Variants in XAF1 observed in about 807,000 individuals in gnomAD.
XAF1 encodes XIAP-associated factor 1.
A neutral mutation model predicts 32.3 loss-of-function variants in XAF1; 32 were observed. That is an observed-to-expected ratio of 0.99 (90% CI 0.75 to 1.33). The LOEUF (loss-of-function observed/expected upper bound fraction) is 1.33, where lower values mean the gene tolerates loss of function less well. XAF1 is among the 40% of genes most tolerant of loss of function. The probability of loss-of-function intolerance (pLI) is 0.00; values close to 1 mark genes in which losing one functional copy is unlikely to be tolerated. For missense variants in XAF1, 379 were observed against 366.0 expected (o/e 1.04, Z -0.29); for synonymous variants, 120 against 125.9 (o/e 0.95, Z 0.31).
rs1021143695 is a variant in XAF1, at chr17:6,775,114, T to A, written c.*1945T>A. The A allele has an allele frequency of 3.3e-5, 5 of 151,744 alleles. No individual in the cohort carries two copies. Among genetic ancestry groups the A allele is most frequent in the Non-Finnish European group, 5.9e-5 (4 of 68,010 alleles). 9.4% of individuals were successfully genotyped at this position (151,744 alleles called of 1,614,324 possible). ...GCAGCCATAAAAAAGAATGGGATCA[T>A]GTCCTGTGCAGCAACGTGGATGGAG... On this transcript the variant is annotated 3_prime_UTR_variant, in exon 7 of 7. Transcript: ENST00000361842.
chr17:6,759,568 G>A (rs1030726308), intron 2 of XAF1, 94 bp from the exon 3 acceptor site: 41 of 1,588,992 alleles, frequency 2.6e-5, no homozygotes, highest in Middle Eastern at 2.3e-4. Context: ...ACCCAAACCC[G>A]GAACACTGTG....
chr17:6,767,314 G>A (rs563685674), intron 5 of XAF1, among the ~76,000 whole-genome samples: 1 of 152,040 alleles, frequency 6.6e-6, no homozygotes, highest in African/African-American at 2.4e-5. Flanking sequence ...TTCTAAACAA[G>A]GTGAATAAAA....
chr17:6,771,734 TA>T (rs1332626566), intron 6 of XAF1: 1 of 152,202 alleles, frequency 6.6e-6, no homozygotes, highest in Non-Finnish European at 1.5e-5. Flanking sequence ...ATGCCTTACT[TA>T]AAAAATTTAT....
intron 6 of XAF1, among the ~76,000 whole-genome samples, chr17:6,772,323 T>C (rs1275845796): frequency 6.6e-6 from 1 of 152,180 alleles, no homozygotes; most frequent in East Asian, 1.9e-4. Context: ...CAATGATTGT[T>C]TTGCTAAAAT....
intron 5 of XAF1, among the ~76,000 whole-genome samples, chr17:6,765,344 C>T (rs1052021988): frequency 2.0e-5 from 3 of 152,098 alleles, no homozygotes; most frequent in African/African-American, 7.2e-5. Context: ...ACCCAGGAGG[C>T]GGAGCTTGCA....
At chr17:6,764,426 C>A (rs1034650066) in intron 5 of XAF1, among the ~76,000 whole-genome samples, 1 of 152,148 alleles carries the variant, frequency 6.6e-6, no homozygotes, top group Non-Finnish European at 1.5e-5. Context: ...CTCTGTCCTG[C>A]AACAGAGAGA....
chr17:6,756,301 C>G (rs1597706511), intron 1 of XAF1, 191 bp downstream of exon 1: 2 of 1,398,108 alleles, frequency 1.4e-6, no homozygotes, highest in East Asian at 5.3e-5. Flanking sequence ...GGGTGGGCAG[C>G]ATTACCTCCA....
Position 6,756,089 on chromosome 17 carries a change from A to C in XAF1, c.11A>C (p.Asp4Ala), listed in dbSNP as rs777880139. ...TGCAGAGAGCAGAACATGGAAGGAG[A>C]CTTCTCGGTGTGCAGGAACTGGTAA... MEG[D>A]FSVCRNCKRH... The change falls in exon 1 of 7, where the codon GAC becomes GCC. Residue 4 changes from aspartate to alanine, a missense_variant. By Grantham distance (126) the Asp-to-Ala change is moderately radical (BLOSUM62 -2). Transcript: ENST00000361842. 4 of 1,613,216 alleles carry C rather than the reference A, an allele frequency of 2.5e-6. No homozygotes were observed. In the African/African-American group the frequency reaches 5.4e-5, roughly 22 times the overall value.
At chr17:6,759,323 TA>T in intron 2 of XAF1, 1 of 1,285,522 alleles carries the variant, frequency 7.8e-7, no homozygotes, top group Non-Finnish European at 9.8e-7. Flanking sequence ...TTGAGATCTG[TA>T]AAGAGAGGAT....
chr17:6,770,758 AAG>A lies in XAF1; in HGVS notation c.625_626del (p.Asp209CysfsTer16). The A allele has an allele frequency of 6.2e-7, 1 of 1,614,052 alleles. No homozygotes were observed. On this transcript the variant is annotated frameshift_variant, in exon 6 of 7. Coordinates refer to ENST00000361842, the MANE Select transcript of XAF1 (RefSeq NM_017523.5). LOFTEE classifies it high-confidence loss of function. ...GAAAATCAAACTTCCACGATGGAGA[AAG>A]ATGTTCGTCCAAAGACAAGAAGTAT...
At chr17:6,756,827 T>C (rs571484226) in intron 1 of XAF1, among the ~76,000 whole-genome samples, 1 of 152,232 alleles carries the variant, frequency 6.6e-6, no homozygotes, top group South Asian at 2.1e-4. Flanking sequence ...GGAGTGAGGC[T>C]TTGACAGTCC....
chr17:6,756,383 T>TTGGGACCACTGGCC, intron 1 of XAF1: 2 of 930,130 alleles, frequency 2.2e-6, no homozygotes, highest in Non-Finnish European at 3.0e-6. Flanking sequence ...GCCCGGCCAG[T>TTGGGACCACTGGCC]GGTCCCAACT....
At chr17:6,760,735 C>A (rs1975129375) in intron 4 of XAF1, 134 bp downstream of exon 4, 3 of 958,964 alleles carry the variant, frequency 3.1e-6, no homozygotes, top group Non-Finnish European at 4.6e-6. Context: ...ATTCATCTGG[C>A]TATTCTAATT....
upstream of XAF1, chr17:6,755,795 C>T: frequency 7.2e-6 from 9 of 1,247,852 alleles, no homozygotes; most frequent in Non-Finnish European, 9.2e-6. Context: ...AGCTGCTGTG[C>T]TGCCCAGGAG....
At position 6,770,647 on chromosome 17, in the gene XAF1, A is replaced by T; in HGVS notation, c.512A>T (p.Lys171Ile). The T allele has an allele frequency of 6.3e-7, 1 of 1,581,330 alleles. No individual in the cohort carries two copies. Among genetic ancestry groups the T allele is most frequent in the Non-Finnish European group, 8.6e-7 (1 of 1,168,260 alleles). Residue 171 changes from lysine to isoleucine, a missense_variant, in exon 6 of 7, where the codon AAA becomes ATA. Transcript: ENST00000361842. ...ATATATTATTCACAATTGCAGGGTA[A>T]ATGTTGTCCAGACTCAGAGTTTAAG... Reference protein sequence around the residue: ...PENKYFHHMGKCCPDSEFKKH... With the variant: ...PENKYFHHMGICCPDSEFKKH...
Position 6,775,637 on chromosome 17 carries a change from C to T in XAF1, c.*2468C>T, listed in dbSNP as rs932649110. On this transcript the variant is annotated 3_prime_UTR_variant, in exon 7 of 7. Coordinates refer to ENST00000361842, the MANE Select transcript of XAF1 (RefSeq NM_017523.5). The stretch of plus-strand genomic sequence containing the variant: ...GCTTTGTCCCCAAAGAATAAAAACA[C>T]CTCTCTAAAAGCTGCTCTTCCACCT... 2 of 152,244 alleles carry T rather than the reference C, an allele frequency of 1.3e-5. No individual in the cohort carries two copies. Among genetic ancestry groups the T allele is most frequent in the African/African-American group, 4.8e-5 (2 of 41,432 alleles). 9.4% of individuals were successfully genotyped at this position (152,244 alleles called of 1,614,324 possible).
At chr17:6,762,342 GGA>G in intron 5 of XAF1, 102 bp downstream of exon 5, 1 of 907,144 alleles carries the variant, frequency 1.1e-6, no homozygotes, top group African/African-American at 1.7e-5. Flanking sequence ...TACATAGCAT[GGA>G]TATTAAAGGG....
At chr17:6,769,414 T>C (rs907326306) in intron 5 of XAF1, among the ~76,000 whole-genome samples, 2 of 152,248 alleles carry the variant, frequency 1.3e-5, no homozygotes, top group Non-Finnish European at 2.9e-5. Flanking sequence ...ATAAAGTTAT[T>C]ATTTGTTAAT....
At chr17:6,766,889 C>A (rs1188091347) in intron 5 of XAF1, among the ~76,000 whole-genome samples, 1 of 152,164 alleles carries the variant, frequency 6.6e-6, no homozygotes, top group Non-Finnish European at 1.5e-5. Flanking sequence ...GAATTTCTTC[C>A]ACTCTCTCCA....
Sources: gnomAD v4.1 joint callset for allele counts (sites outside exome capture counted in the v4.1 genomes callset) on GRCh38, gnomAD v4.1.1 for gene constraint, MANE v1.5 for transcripts, NCBI Gene and HGNC (gene_info 2026-07-23, HGNC 2026-07-21) for gene names.